Variants in FHIT observed in about 807,000 individuals in gnomAD.
The protein encoded by FHIT is fragile histidine triad diadenosine triphosphatase, also known as bis(5'-adenosyl)-triphosphatase.
In FHIT, 19 loss-of-function variants were observed where a neutral mutation model predicts 17.9. The observed-to-expected ratio is 1.06, with a 90% CI of 0.74 to 1.56. The LOEUF (loss-of-function observed/expected upper bound fraction) is 1.56. Ranked by LOEUF, FHIT falls within the 40% of genes most tolerant of loss-of-function variation. FHIT has a pLI of 0.00. For missense variants in FHIT, 248 were observed against 189.2 expected, an observed-to-expected ratio of 1.31 and a Z score of -1.82; for synonymous variants, 81 against 69.7, an observed-to-expected ratio of 1.16 and a Z score of -0.81.
chr3:60,363,201 C>T (rs774027458), intron 5 of FHIT, among the ~76,000 whole-genome samples: 1 of 152,098 alleles, frequency 6.6e-6, no homozygotes, highest in Non-Finnish European at 1.5e-5. Flanking sequence ...AGGTCGGCAA[C>T]CCCACATCAG....
chr3:60,301,400 C>T (rs1708454626), intron 5 of FHIT, among the ~76,000 whole-genome samples: 2 of 152,134 alleles, frequency 1.3e-5, no homozygotes, highest in Admixed American at 6.6e-5. Context: ...CACTGTATCT[C>T]GCCAAGCTAT....
At chr3:60,590,024 A>C (rs377188765) in intron 4 of FHIT, among the ~76,000 whole-genome samples, 21 of 152,234 alleles carry the variant, frequency 1.4e-4, no homozygotes, top group Middle Eastern at 6.8e-3. Context: ...AAGAGAGGAC[A>C]CATCTACAAG....
intron 4 of FHIT, among the ~76,000 whole-genome samples, chr3:60,755,354 G>A (rs782324294): frequency 6.6e-6 from 1 of 152,190 alleles, no homozygotes; most frequent in Non-Finnish European, 1.5e-5. Context: ...TTGCTGTCAG[G>A]TGGGAATGCA....
intron 8 of FHIT, among the ~76,000 whole-genome samples, chr3:59,868,347 AT>A (rs1702754267): frequency 6.7e-6 from 1 of 150,006 alleles, no homozygotes; most frequent in African/African-American, 2.5e-5. Context: ...GAAAAAAAAA[AT>A]TGTTTTCTCC....
intron 5 of FHIT, among the ~76,000 whole-genome samples, chr3:60,221,454 G>A (rs1389859711): frequency 6.6e-6 from 1 of 152,090 alleles, no homozygotes; most frequent in Non-Finnish European, 1.5e-5. Context: ...CCATTCTCCA[G>A]TCAGCAACTA....
intron 3 of FHIT, among the ~76,000 whole-genome samples, chr3:60,906,878 AG>A (rs1277479655): frequency 6.6e-6 from 1 of 152,220 alleles, no homozygotes; most frequent in Non-Finnish European, 1.5e-5. Context: ...TTTAGCAGAA[AG>A]GAAGACCGTG....
chr3:59,879,601 C>CA (rs954947353), intron 8 of FHIT, among the ~76,000 whole-genome samples: 2 of 151,594 alleles, frequency 1.3e-5, no homozygotes, highest in Non-Finnish European at 2.9e-5. Flanking sequence ...CGGACTGCTC[C>CA]AAAAAAAACC....
intron 5 of FHIT, among the ~76,000 whole-genome samples, chr3:60,157,810 G>A (rs1331510031): frequency 6.6e-6 from 1 of 152,102 alleles, no homozygotes; most frequent in African/African-American, 2.4e-5. Flanking sequence ...AATAGGAAGT[G>A]TAGAGATCGG....
intron 5 of FHIT, among the ~76,000 whole-genome samples, chr3:60,058,108 T>C (rs1702153748): frequency 6.6e-6 from 1 of 150,676 alleles, no homozygotes; most frequent in South Asian, 2.1e-4. Flanking sequence ...AGGGAGTTAT[T>C]GTATAATGAG....
chr3:61,245,560 A>G (rs1289500777), intron 1 of FHIT, among the ~76,000 whole-genome samples: 1 of 152,200 alleles, frequency 6.6e-6, no homozygotes, highest in Non-Finnish European at 1.5e-5. Flanking sequence ...CAGAATCTGC[A>G]TTTTAAGATC....
chr3:60,221,092 T>A (rs1187548009), intron 5 of FHIT, among the ~76,000 whole-genome samples: 1 of 152,178 alleles, frequency 6.6e-6, no homozygotes, highest in Non-Finnish European at 1.5e-5. Flanking sequence ...TTATTCTTAA[T>A]GTGCCCTACA....
intron 8 of FHIT, among the ~76,000 whole-genome samples, chr3:59,802,566 C>T (rs910902562): frequency 6.6e-6 from 1 of 152,166 alleles, no homozygotes; most frequent in African/African-American, 2.4e-5. Context: ...GAGAACAACC[C>T]CCTTTGACTG....
intron 5 of FHIT, among the ~76,000 whole-genome samples, chr3:60,114,001 CCAAAAAAAAAAAAAA>C (rs1394386871): frequency 5.6e-5 from 1 of 17,920 alleles, no homozygotes; most frequent in African/African-American, 4.6e-4. Context: ...GACCCCGTCT[CCAAAAAAAAAAAAAA>C]AAAAAAAAAA....
chr3:59,752,435 T>C, intron 8 of FHIT, 114 bp from the exon 9 acceptor site: 1 of 628,852 alleles, frequency 1.6e-6, no homozygotes, highest in East Asian at 2.7e-5. Flanking sequence ...GGCCAGTAGG[T>C]GTATCTTTTA....
intron 4 of FHIT, among the ~76,000 whole-genome samples, chr3:60,820,580 G>T (rs1445358539): frequency 6.6e-6 from 1 of 152,110 alleles, no homozygotes; most frequent in Non-Finnish European, 1.5e-5. Context: ...ACAACTCTAG[G>T]GGCAATCCTG....
intron 5 of FHIT, among the ~76,000 whole-genome samples, chr3:60,237,718 G>A (rs1305473656): frequency 1.3e-5 from 2 of 152,064 alleles, no homozygotes; most frequent in African/African-American, 2.4e-5. Flanking sequence ...TTGCTTCTTG[G>A]TGCCTAATGT....
chr3:61,184,036 T>C (rs2038426942), intron 2 of FHIT, among the ~76,000 whole-genome samples: 2 of 152,120 alleles, frequency 1.3e-5, no homozygotes, highest in South Asian at 4.2e-4. Flanking sequence ...TTCGCTAGTT[T>C]CTAAATCAGA....
At chr3:59,874,949 C>A (rs1331193138) in intron 8 of FHIT, among the ~76,000 whole-genome samples, 1 of 152,212 alleles carries the variant, frequency 6.6e-6, no homozygotes, top group Non-Finnish European at 1.5e-5. Flanking sequence ...AAGGGAAAAT[C>A]AAGAGTTTTT....
At chr3:61,210,703 T>A (rs2106756864) in intron 1 of FHIT, among the ~76,000 whole-genome samples, 1 of 152,242 alleles carries the variant, frequency 6.6e-6, no homozygotes, top group African/African-American at 2.4e-5. Flanking sequence ...GTGCCATCTG[T>A]CACCCCTCTC....
Sources: gnomAD v4.1 joint callset for allele counts (sites outside exome capture counted in the v4.1 genomes callset) on GRCh38, gnomAD v4.1.1 for gene constraint, MANE v1.5 for transcripts, NCBI Gene and HGNC (gene_info 2026-07-23, HGNC 2026-07-21) for gene names.